Variants in PALLD observed in about 807,000 individuals in gnomAD.
PALLD encodes the protein palladin, cytoskeletal associated protein, also known as palladin.
PALLD carries 61 observed loss-of-function variants against 123.5 expected under a neutral mutation model. That is an observed-to-expected ratio of 0.49 (90% CI 0.40 to 0.61). The LOEUF (loss-of-function observed/expected upper bound fraction) is 0.61. Among genes scored for constraint, PALLD ranks in the 20% least tolerant of loss-of-function variants. PALLD has a pLI of 0.00. For synonymous variants in PALLD, 465 were observed against 496.4 expected, an observed-to-expected ratio of 0.94 and a Z score of 0.84; for missense variants, 1,273 against 1,377.0, an observed-to-expected ratio of 0.92 and a Z score of 1.20.
intron 1 of PALLD, among the ~76,000 whole-genome samples, chr4:168,498,838 A>G (rs1457382027): frequency 1.3e-5 from 2 of 152,302 alleles, no homozygotes; most frequent in East Asian, 3.9e-4. Flanking sequence ...TAAAATCTAA[A>G]TATTTGCAAT....
intron 8 of PALLD, 60 bp from the exon 9 acceptor site, chr4:168,708,967 CT>C (rs1349038179): frequency 2.3e-5 from 36 of 1,546,226 alleles, no homozygotes; most frequent in Non-Finnish European, 3.0e-5. Flanking sequence ...GAGGGTCTCA[CT>C]TCTTAAAAGT....
At chr4:168,681,001 C>T (rs1676867360) in intron 3 of PALLD, among the ~76,000 whole-genome samples, 1 of 152,138 alleles carries the variant, frequency 6.6e-6, no homozygotes, top group African/African-American at 2.4e-5. Flanking sequence ...ATTCTTCACA[C>T]AAACACACAC....
chr4:168,913,136 CTTTTT>C (rs33986728), intron 15 of PALLD, among the ~76,000 whole-genome samples: 1 of 119,036 alleles, frequency 8.4e-6, no homozygotes, highest in Non-Finnish European at 1.8e-5. Context: ...ATGCCACTAA[CTTTTT>C]TTTTTTTTTT....
At chr4:168,919,023 TAAG>T (rs1760847864) in intron 17 of PALLD, among the ~76,000 whole-genome samples, 1 of 152,098 alleles carries the variant, frequency 6.6e-6, no homozygotes. Context: ...ATATAAAAAA[TAAG>T]AGAGTGACTA....
intron 10 of PALLD, among the ~76,000 whole-genome samples, chr4:168,854,460 C>T (rs781731886): frequency 2.0e-5 from 3 of 152,198 alleles, no homozygotes; most frequent in Non-Finnish European, 4.4e-5. Flanking sequence ...CTCTGAGGTT[C>T]CACAGGCATC....
Position 168,704,975 on chromosome 4 carries a change from C to T in PALLD, c.1502-4053C>T, listed in dbSNP as rs1784089904. Among the ~76,000 whole-genome samples, 3 of 152,178 alleles carry T rather than the reference C, an allele frequency of 2.0e-5. No individual in the cohort carries two copies. The South Asian group carries it at 6.2e-4, about 32-fold the overall frequency. On this transcript the variant is annotated intron_variant, in intron 8 of 21. Coordinates refer to ENST00000505667, the MANE Select transcript of PALLD (RefSeq NM_001166108.2). ...TTTAATTTCAGAAGTTTGAAATAAA[C>T]TTTTAATTTTTAATTGCCTAAAAAT...
intron 2 of PALLD, among the ~76,000 whole-genome samples, chr4:168,664,051 A>G (rs984117137): frequency 2.6e-5 from 4 of 152,308 alleles, no homozygotes; most frequent in African/African-American, 7.2e-5. Context: ...GATGTTTGCA[A>G]TTCACATTTC....
intron 15 of PALLD, among the ~76,000 whole-genome samples, chr4:168,911,639 AGATCTGGAGAACTTG>A (rs1758977626): frequency 6.6e-6 from 1 of 152,352 alleles, no homozygotes; most frequent in African/African-American, 2.4e-5. Context: ...CAGCAAGTAC[AGATCTGGAGAACTTG>A]GATGAAATTA....
chr4:168,919,939 A>T (rs538414985), intron 17 of PALLD, among the ~76,000 whole-genome samples: 7 of 152,122 alleles, frequency 4.6e-5, no homozygotes, highest in Non-Finnish European at 1.0e-4. Flanking sequence ...GTAACTATCC[A>T]CTGGGTAGGT....
At chr4:168,743,294 C>G (rs1788541653) in intron 10 of PALLD, among the ~76,000 whole-genome samples, 2 of 152,138 alleles carry the variant, frequency 1.3e-5, no homozygotes, top group African/African-American at 4.8e-5. Flanking sequence ...CTTGATTACA[C>G]CACGCGGCTA....
intron 18 of PALLD, among the ~76,000 whole-genome samples, 154 bp from the exon 19 acceptor site, chr4:168,924,101 G>GAAT (rs1383247397): frequency 3.9e-5 from 6 of 152,150 alleles, no homozygotes; most frequent in African/African-American, 1.4e-4. Context: ...CTTGGTAAAA[G>GAAT]AATAATTTGG....
At chr4:168,842,937 G>T (rs1420355762) in intron 10 of PALLD, among the ~76,000 whole-genome samples, 1 of 152,112 alleles carries the variant, frequency 6.6e-6, no homozygotes, top group Non-Finnish European at 1.5e-5. Flanking sequence ...AGAAATAAAA[G>T]CTTCTCAAAA....
intron 10 of PALLD, among the ~76,000 whole-genome samples, chr4:168,816,389 G>GTATATA (rs34216824): frequency 1.1e-3 from 159 of 139,016 alleles, no homozygotes; most frequent in East Asian, 5.1e-3. Context: ...GTGTATGTGT[G>GTATATA]TATATATATA....
At chr4:168,510,615 T>C (rs567631244) in intron 1 of PALLD, among the ~76,000 whole-genome samples, 2 of 152,308 alleles carry the variant, frequency 1.3e-5, no homozygotes, top group South Asian at 2.1e-4. Context: ...AAGAATGTTT[T>C]TCTCATTTTA....
intron 10 of PALLD, among the ~76,000 whole-genome samples, chr4:168,885,000 T>C (rs1490524830): frequency 6.6e-6 from 1 of 152,250 alleles, no homozygotes; most frequent in Non-Finnish European, 1.5e-5. Context: ...ATTAGGTCAC[T>C]AGCCCAAACC....
chr4:168,501,164 G>A (rs1761355284), intron 1 of PALLD, among the ~76,000 whole-genome samples: 1 of 152,190 alleles, frequency 6.6e-6, no homozygotes, highest in Non-Finnish European at 1.5e-5. Flanking sequence ...TGTAATCCCA[G>A]CAACTCAGGA....
At chr4:168,631,513 G>A in intron 2 of PALLD, 7 of 651,816 alleles carry the variant, frequency 1.1e-5, no homozygotes, top group Non-Finnish European at 1.3e-5. Flanking sequence ...GTTATTTCTG[G>A]AGTTTAGCAG....
intron 2 of PALLD, among the ~76,000 whole-genome samples, chr4:168,663,421 G>A (rs1779314600): frequency 6.6e-6 from 1 of 152,170 alleles, no homozygotes; most frequent in African/African-American, 2.4e-5. Context: ...AATTCCAGTG[G>A]GTTCTCAAGC....
intron 3 of PALLD, among the ~76,000 whole-genome samples, chr4:168,679,359 A>G: frequency 2.1e-5 from 1 of 48,070 alleles, no homozygotes; most frequent in Admixed American, 2.7e-4. Flanking sequence ...TGGTGGGGTG[A>G]GTATGGATGT....
Sources: gnomAD v4.1 joint callset for allele counts (sites outside exome capture counted in the v4.1 genomes callset) on GRCh38, gnomAD v4.1.1 for gene constraint, MANE v1.5 for transcripts, NCBI Gene and HGNC (gene_info 2026-07-23, HGNC 2026-07-21) for gene names.